KRABD2: variants seen among roughly 807,000 people sequenced by gnomAD.
KRABD2 encodes KRAB domain-containing protein 2.
chr17:8,359,362 A>G, the KRABD2 span: 1 of 349,692 alleles, frequency 2.9e-6, no homozygotes, highest in African/African-American at 2.1e-5. Flanking sequence ...AGTAGGCAGG[A>G]TGGAGAATGT....
the KRABD2 span, among the ~76,000 whole-genome samples, chr17:8,375,056 G>C: frequency 6.6e-6 from 1 of 150,862 alleles, no homozygotes; most frequent in Admixed American, 6.6e-5. Flanking sequence ...CTGTCATCCA[G>C]GCTGGAGTGC....
chr17:8,372,082 C>G, the KRABD2 span: 1 of 985,348 alleles, frequency 1.0e-6, no homozygotes, highest in Non-Finnish European at 1.2e-6. The surrounding 1 kb of genome is among the most constrained non-coding windows in gnomAD (Gnocchi z 4.1). Flanking sequence ...GGGCAGAATC[C>G]TGAGAAGCAG....
chr17:8,366,726 C>CTT, the KRABD2 span, among the ~76,000 whole-genome samples: 5 of 147,916 alleles, frequency 3.4e-5, no homozygotes, highest in African/African-American at 1.2e-4. Flanking sequence ...CCTTCATCTA[C>CTT]TTTTTTTTTT....
the KRABD2 span, chr17:8,368,961 C>T: frequency 2.2e-5 from 25 of 1,126,782 alleles, no homozygotes; most frequent in Admixed American, 3.3e-5. Flanking sequence ...TTTATGGCAG[C>T]CCTAAGAATA....
chr17:8,369,870 C>T, the KRABD2 span: 4 of 1,614,128 alleles, frequency 2.5e-6, no homozygotes, highest in African/African-American at 1.3e-5. Context: ...TGGTGCAAGG[C>T]CTCTCTTGGG....
At chr17:8,370,331 C>G in the KRABD2 span, 3 of 1,606,808 alleles carry the variant, frequency 1.9e-6, no homozygotes, top group Non-Finnish European at 2.5e-6. Flanking sequence ...CATTTGAAAC[C>G]CCAGGTGGAT....
the KRABD2 span, chr17:8,371,525 A>T: frequency 6.2e-7 from 1 of 1,603,038 alleles, no homozygotes; most frequent in South Asian, 1.1e-5. Flanking sequence ...GGCACCAGGA[A>T]TGAAGGCATG....
chr17:8,372,679 C>T, the KRABD2 span, among the ~76,000 whole-genome samples: 1 of 152,230 alleles, frequency 6.6e-6, no homozygotes, highest in Non-Finnish European at 1.5e-5. This position sits in a 1 kb window ranked among gnomAD's most constrained non-coding sequence, Gnocchi z 4.1. Context: ...CTGAAACCAG[C>T]GTCTCTCAGA....
At chr17:8,376,054 C>T in the KRABD2 span, 6 of 1,231,620 alleles carry the variant, frequency 4.9e-6, no homozygotes, top group African/African-American at 9.3e-5. Context: ...ACCACACTCA[C>T]TGGAGCACTT....
the KRABD2 span, chr17:8,376,350 G>C: frequency 1.7e-6 from 2 of 1,205,866 alleles, no homozygotes; most frequent in African/African-American, 3.1e-5. Context: ...CTACAACCCG[G>C]GGAGATGACC....
At chr17:8,372,197 C>T in the KRABD2 span, 1 of 252,200 alleles carries the variant, frequency 4.0e-6, no homozygotes, top group Non-Finnish European at 6.3e-6. This position sits in a 1 kb window ranked among gnomAD's most constrained non-coding sequence, Gnocchi z 4.1. Context: ...AACTCCCTTC[C>T]TCAGCATTGC....
the KRABD2 span, chr17:8,376,056 G>A: frequency 1.6e-6 from 2 of 1,231,690 alleles, no homozygotes; most frequent in Non-Finnish European, 2.0e-6. Flanking sequence ...CACACTCACT[G>A]GAGCACTTCG....
the KRABD2 span, chr17:8,375,758 T>C: frequency 2.3e-6 from 1 of 426,150 alleles, no homozygotes; most frequent in Non-Finnish European, 3.4e-6. Flanking sequence ...GGCTTCAGTA[T>C]CTTTTCCAAA....
chr17:8,375,166 C>T, the KRABD2 span, among the ~76,000 whole-genome samples: 1 of 151,826 alleles, frequency 6.6e-6, no homozygotes, highest in Non-Finnish European at 1.5e-5. Flanking sequence ...CACCTGCCAC[C>T]AGGCCCAGCT....
chr17:8,376,690 C>G, the KRABD2 span: 29 of 984,268 alleles, frequency 2.9e-5, no homozygotes, highest in Non-Finnish European at 3.4e-5. Context: ...CCAGAGGCCC[C>G]CGAGCAGCAA....
the KRABD2 span, among the ~76,000 whole-genome samples, chr17:8,362,251 A>T: frequency 6.6e-6 from 1 of 152,028 alleles, no homozygotes; most frequent in Admixed American, 6.6e-5. This position sits in a 1 kb window ranked among gnomAD's most constrained non-coding sequence, Gnocchi z 4.2. Flanking sequence ...AATGGCGTGA[A>T]CCCGGGAGGT....
chr17:8,376,672 C>T, the KRABD2 span: 11 of 984,508 alleles, frequency 1.1e-5, no homozygotes, highest in African/African-American at 1.9e-4. Context: ...GTCTGAATCC[C>T]CCTCCACCCA....
the KRABD2 span, among the ~76,000 whole-genome samples, chr17:8,375,062 AG>A: frequency 2.8e-3 from 422 of 149,094 alleles, 5 homozygotes; most frequent in East Asian, 0.031. Context: ...TCCAGGCTGG[AG>A]TGCAGTGGCG....
At chr17:8,376,513 C>T in the KRABD2 span, 1 of 993,800 alleles carries the variant, frequency 1.0e-6, no homozygotes, top group Non-Finnish European at 1.2e-6. Context: ...AGCCTTCCTA[C>T]CCTGACTTCG....
Sources: allele counts gnomAD v4.1 joint callset (sites outside exome capture counted in the v4.1 genomes callset), GRCh38; gene constraint gnomAD v4.1.1; non-coding constraint Gnocchi (gnomAD v3.1); transcripts MANE v1.5; gene names NCBI Gene and HGNC (gene_info 2026-07-23, HGNC 2026-07-21).